Variants in SBNO2 observed in about 807,000 individuals in gnomAD.
SBNO2 encodes strawberry notch homolog 2, also known as protein strawberry notch homolog 2.
In SBNO2, 89 loss-of-function variants were observed where a neutral mutation model predicts 146.3. The observed-to-expected ratio is 0.61, with a 90% confidence interval of 0.51 to 0.73. The LOEUF (loss-of-function observed/expected upper bound fraction) is 0.73, where lower values mean the gene tolerates loss of function less well. Ranked by LOEUF, SBNO2 falls within the 30% of genes least tolerant of loss-of-function variation. The pLI is 0.00. For missense variants in SBNO2, 2,092 were observed against 2,003.7 expected, an observed-to-expected ratio of 1.04 and a Z score of -0.84; for synonymous variants, 1,147 against 892.6, an observed-to-expected ratio of 1.29 and a Z score of -5.08.
At position 1,154,409 on chromosome 19, in the gene SBNO2, A is replaced by C. The variant is rs990495311; in HGVS notation, c.-126-7T>G. ...GTGGCGGCAGCATCATGATCTGCAG[A>C]GGGAGACGGGGACGTCCTGAGAGTC... On this transcript the variant is annotated splice_region_variant and splice_polypyrimidine_tract_variant and intron_variant, in intron 1 of 31. Coordinates refer to ENST00000361757, the MANE Select transcript of SBNO2 (RefSeq NM_014963.3). The C allele has an allele frequency of 7.1e-6, 3 of 423,350 alleles. No individual in the cohort carries two copies. Among genetic ancestry groups the C allele is most frequent in the Non-Finnish European group, 1.2e-5 (3 of 250,794 alleles). The allele number at this position is 423,350 out of a possible 1,614,324, so 26.2% of individuals were successfully genotyped here. A position where few individuals can be genotyped will look rare whatever the true frequency, so the allele number is the denominator to read the frequency against.
chr19:1,129,417 T>C (rs1347670021), intron 4 of SBNO2, among the ~76,000 whole-genome samples: 1 of 151,980 alleles, frequency 6.6e-6, no homozygotes, highest in African/African-American at 2.4e-5. Flanking sequence ...ACTAGGGACC[T>C]TCAGGAACCT....
intron 2 of SBNO2, 29 bp downstream of exon 2, chr19:1,154,155 G>T: frequency 8.9e-7 from 1 of 1,125,684 alleles, no homozygotes; most frequent in Non-Finnish European, 1.1e-6. Flanking sequence ...GACCCCGTCG[G>T]GTGGGCCGGG....
chr19:1,117,643 C>A (rs1415897906), intron 14 of SBNO2, 144 bp from the exon 15 acceptor site: 1 of 812,248 alleles, frequency 1.2e-6, no homozygotes, highest in Non-Finnish European at 1.9e-6. Flanking sequence ...GGGGTGTGCA[C>A]TGTAAGAGGC....
intron 24 of SBNO2, 105 bp downstream of exon 24, chr19:1,111,401 C>T: frequency 1.2e-6 from 1 of 832,420 alleles, no homozygotes; most frequent in Non-Finnish European, 2.0e-6. Flanking sequence ...GGAGGGGTCA[C>T]TCAACACACA....
At chr19:1,113,770 G>A in intron 18 of SBNO2, 66 bp from the exon 19 acceptor site, 1 of 1,400,180 alleles carries the variant, frequency 7.1e-7, no homozygotes, top group Non-Finnish European at 9.3e-7. Context: ...CCTAACTCAA[G>A]GCTGGCCCCT....
chr19:1,140,717 T>G lies in SBNO2; in HGVS notation c.279+6592A>C, dbSNP rs971933134. On this transcript the variant is annotated intron_variant, in intron 4 of 31. Transcript: ENST00000361757. This position sits in a 1 kb window ranked among gnomAD's most constrained non-coding sequence, Gnocchi z 4.4. ...GGAAAACAGACGGACGCAGCAGGGA[T>G]GCCCGCAGGCAGCTCCCACGGGCAG... 2.0e-4 allele frequency among the ~76,000 whole-genome samples: 30 copies of G among 152,144 alleles called. No homozygotes were observed. The highest frequency in any genetic ancestry group is 3.4e-4 in the Non-Finnish European group (23 of 68,006).
At chr19:1,116,777 G>A (rs2079836752) in intron 16 of SBNO2, 52 bp downstream of exon 16, 3 of 1,446,456 alleles carry the variant, frequency 2.1e-6, no homozygotes, top group Middle Eastern at 1.7e-4. Context: ...CACAGAGAGG[G>A]GTGGCCATGA....
intron 24 of SBNO2, 138 bp downstream of exon 24, chr19:1,111,368 C>T (rs2079757258): frequency 1.3e-6 from 1 of 741,492 alleles, no homozygotes; most frequent in Non-Finnish European, 2.2e-6. Flanking sequence ...TTTGCCTTCA[C>T]AGCCCTCTCT....
chr19:1,150,443 C>T lies in SBNO2; in HGVS notation c.94-1001G>A, dbSNP rs559984830. ...AGCAGAGAGACCCTGCCGTCACAGA[C>T]GCCCCCACAGTCACGGGGGAGACCC... is the stretch of plus-strand genomic sequence containing the variant. On this transcript the variant is annotated intron_variant, in intron 2 of 31. Transcript: ENST00000361757. This position sits in a 1 kb window ranked among gnomAD's most constrained non-coding sequence, Gnocchi z 6.2. Among the ~76,000 whole-genome samples, 385 of 149,802 alleles carry T rather than the reference C, an allele frequency of 2.6e-3. 1 individual carries two copies. The highest frequency in any genetic ancestry group is 9.3e-3 in the African/African-American group (365 of 39,366).
In SBNO2 at chr19:1,112,553, G is replaced by T; in HGVS notation, c.2380-16C>A. 1 of 1,589,560 alleles carries T rather than the reference G, an allele frequency of 6.3e-7. No homozygotes were observed. ...TGGCCACGAGCTAGGGGGAAAGAAG[G>T]GGCCGGGACACGGTTGGTGCAAGGC... On this transcript the variant is annotated splice_polypyrimidine_tract_variant and intron_variant, in intron 20 of 31. Transcript: ENST00000361757. This position sits in a 1 kb window ranked among gnomAD's most constrained non-coding sequence, Gnocchi z 5.9.
chr19:1,164,813 AG>A (rs1568644645), intron 1 of SBNO2, among the ~76,000 whole-genome samples: 7 of 134 alleles, frequency 0.052, no homozygotes, highest in African/African-American at 0.1. Context: ...GAGGAGGAGG[AG>A]CAGGAGGAGG....
Position 1,107,767 on chromosome 19 carries a change from G to A in SBNO2, c.*453C>T, listed in dbSNP as rs1435365183. ...GCCTGGGGCCTGGGAGAGGTGAGCG[G>A]GCAATAACTTAGGGGTCAGGGAAGG... On this transcript the variant is annotated 3_prime_UTR_variant, in exon 32 of 32. Coordinates refer to ENST00000361757, the MANE Select transcript of SBNO2 (RefSeq NM_014963.3). 5.2e-5 allele frequency: 8 copies of A among 153,672 alleles called. No homozygotes were observed. The highest frequency in any genetic ancestry group is 3.9e-4 in the Admixed American group (6 of 15,328). The allele number at this position is 153,672 out of a possible 1,614,324, so 9.5% of individuals were successfully genotyped here.
At position 1,110,702 on chromosome 19, in the gene SBNO2, G is replaced by A. The variant is rs374722186; in HGVS notation, c.3028+43C>T. 2.6e-5 allele frequency: 37 copies of A among 1,426,664 alleles called. 1 individual carries two copies. The highest frequency in any genetic ancestry group is 2.4e-4 in the South Asian group (21 of 87,602). The allele number at this position is 1,426,664 out of a possible 1,614,324, so 88.4% of individuals were successfully genotyped here. A position where few individuals can be genotyped will look rare whatever the true frequency, so the allele number is the denominator to read the frequency against. On this transcript the variant is annotated intron_variant, in intron 26 of 31. Coordinates refer to ENST00000361757, the MANE Select transcript of SBNO2 (RefSeq NM_014963.3). The surrounding 1 kb of genome is among the most constrained non-coding windows in gnomAD (Gnocchi z 4.9). ...GATGCATGGCGTTCCCACGAGCCCC[G>A]CACCCACACCCACCCACACCACACC...
At chr19:1,134,328 A>T (rs1292144204) in intron 4 of SBNO2, among the ~76,000 whole-genome samples, 1 of 151,522 alleles carries the variant, frequency 6.6e-6, no homozygotes. Flanking sequence ...GGGTGGACCC[A>T]CAGCTCCCGG....
intron 8 of SBNO2, 39 bp from the exon 9 acceptor site, chr19:1,122,830 G>A: frequency 1.3e-6 from 2 of 1,537,410 alleles, no homozygotes; most frequent in Non-Finnish European, 1.7e-6. Context: ...TGGGGGTGCT[G>A]GCCCGGCCCC....
At position 1,111,028 on chromosome 19, in the gene SBNO2, C is replaced by A; in HGVS notation, c.2875G>T (p.Val959Leu). The change falls in exon 25 of 32, where the codon GTG becomes TTG. Residue 959 changes from valine (V) to leucine (L), a missense_variant. Physicochemically the swap from Val to Leu is conservative, Grantham distance 32 (BLOSUM62 1). Transcript: ENST00000361757. Reference protein sequence around the residue: ...GRESRNGCLDVEKDCSITKFL... With the variant: ...GRESRNGCLDLEKDCSITKFL... ...GGTGTGGGGCACTCACCCTTCTCCACGTCCAGGCAGCCATTCCGGGACTCC... is the reference window on the plus strand; with the variant it reads ...GGTGTGGGGCACTCACCCTTCTCCAAGTCCAGGCAGCCATTCCGGGACTCC... 6.3e-7 allele frequency: 1 copy of A among 1,582,638 alleles called. No homozygotes were observed. Among genetic ancestry groups the A allele is most frequent in the Non-Finnish European group, 8.6e-7 (1 of 1,165,206 alleles).
intron 4 of SBNO2, among the ~76,000 whole-genome samples, chr19:1,139,382 G>A (rs1030047360): frequency 6.6e-6 from 1 of 152,164 alleles, no homozygotes; most frequent in Non-Finnish European, 1.5e-5. Flanking sequence ...CCTCTAGGGG[G>A]ACAATGATCT....
At position 1,112,580 on chromosome 19, in the gene SBNO2, CG is replaced by C. The variant is rs1813675852; in HGVS notation, c.2380-44del. On this transcript the variant is annotated intron_variant, in intron 20 of 31. Coordinates refer to ENST00000361757, the MANE Select transcript of SBNO2 (RefSeq NM_014963.3). The surrounding 1 kb of genome is among the most constrained non-coding windows in gnomAD (Gnocchi z 5.9). ...GCCGGGACACGGTTGGTGCAAGGCC[CG>C]CCCCAGCGTTGCCGCCACCTCCTCA... is the stretch of plus-strand genomic sequence containing the variant. 1 of 1,543,584 alleles carries C rather than the reference CG, an allele frequency of 6.5e-7. No homozygotes were observed. The highest frequency in any genetic ancestry group is 1.9e-5 in the Admixed American group (1 of 52,524).
At chr19:1,153,640 C>T (rs546359237) in intron 2 of SBNO2, among the ~76,000 whole-genome samples, 115 of 152,044 alleles carry the variant, frequency 7.6e-4, no homozygotes, top group African/African-American at 2.7e-3. Context: ...TAGATTTAAG[C>T]AATTCTCCTG....
Sources: gnomAD v4.1 joint callset for allele counts (sites outside exome capture counted in the v4.1 genomes callset) on GRCh38, gnomAD v4.1.1 for gene constraint, Gnocchi (gnomAD v3.1) non-coding constraint, MANE v1.5 for transcripts, NCBI Gene and HGNC (gene_info 2026-07-23, HGNC 2026-07-21) for gene names.